BST1: variants seen among roughly 807,000 people sequenced by gnomAD.
BST1 encodes the protein bone marrow stromal cell antigen 1.
A neutral mutation model predicts 40.6 loss-of-function variants in BST1; 49 were observed. The ratio of observed to expected loss-of-function variants is 1.21; its 90% CI spans 0.96 to 1.53. The LOEUF (loss-of-function observed/expected upper bound fraction) is 1.53. Among genes scored for constraint, BST1 ranks in the 40% most tolerant of loss-of-function variants. BST1 has a pLI of 0.00. For missense variants in BST1, 423 were observed against 395.9 expected (o/e 1.07, Z -0.58); for synonymous variants, 157 against 159.3 (o/e 0.99, Z 0.11).
At chr4:15,738,688 G>A (rs1004115647), downstream of BST1, among the ~76,000 whole-genome samples, 1 of 152,210 alleles carries the variant, frequency 6.6e-6, no homozygotes, top group African/African-American at 2.4e-5. Context: ...GTTACAGACG[G>A]AACTGTGTTC....
Position 15,703,153 on chromosome 4 carries a change from C to T in BST1, c.9C>T (p.Ala3=), listed in dbSNP as rs766037701. MA[A]QGCAASRLLQ... is the part of the protein sequence containing the mutation. ...GGGACCAAAGTTCCCCGATGGCGGCCCAGGGGTGCGCGGCATCGCGGCTGC... is the reference window on the plus strand; with the variant it reads ...GGGACCAAAGTTCCCCGATGGCGGCTCAGGGGTGCGCGGCATCGCGGCTGC... Residue 3 remains alanine, a synonymous_variant, in exon 1 of 9, where the codon GCC becomes GCT. Transcript: ENST00000265016. 49 of 1,578,486 alleles carry T rather than the reference C, an allele frequency of 3.1e-5. No individual in the cohort carries two copies. Among genetic ancestry groups the T allele is most frequent in the Non-Finnish European group, 4.1e-5 (48 of 1,164,190 alleles).
chr4:15,770,120 G>T, the BST1 span, among the ~76,000 whole-genome samples: 200 of 151,646 alleles, frequency 1.3e-3, 2 homozygotes, highest in Admixed American at 2.6e-3. Context: ...GATTACAGGC[G>T]TAAGCCACCG....
intron 1 of BST1, among the ~76,000 whole-genome samples, chr4:15,703,643 TGC>T (rs138333020): frequency 2.5e-5 from 3 of 121,250 alleles, no homozygotes; most frequent in African/African-American, 9.4e-5. Context: ...GGTGTGTGTG[TGC>T]GCGCGCTCTA....
chr4:15,727,974 A>T (rs1288659512), intron 8 of BST1, among the ~76,000 whole-genome samples: 2 of 151,552 alleles, frequency 1.3e-5, no homozygotes, highest in Non-Finnish European at 2.9e-5. Context: ...AGACCCCATG[A>T]ATAATCCAAG....
At chr4:15,770,466 A>G in the BST1 span, among the ~76,000 whole-genome samples, 2 of 152,090 alleles carry the variant, frequency 1.3e-5, no homozygotes, top group African/African-American at 2.4e-5. Flanking sequence ...GAACTTTGGG[A>G]GGCCGAGGCG....
downstream of BST1, among the ~76,000 whole-genome samples, chr4:15,738,746 A>T (rs73801708): frequency 0.024 from 3,600 of 152,286 alleles, 120 homozygotes; most frequent in African/African-American, 0.082. Context: ...CTAACACAAC[A>T]ATGAAAATTT....
chr4:15,729,937 G>T (rs7667512), intron 8 of BST1, among the ~76,000 whole-genome samples: 15,266 of 152,196 alleles, frequency 0.1, 886 homozygotes, highest in African/African-American at 0.15. Context: ...AAGGGAGGCT[G>T]TCATTATTAG....
chr4:15,711,782 ATG>A (rs1479930541), intron 3 of BST1, 23 bp from the exon 4 acceptor site: 5 of 1,542,380 alleles, frequency 3.2e-6, no homozygotes, highest in African/African-American at 1.4e-5. Flanking sequence ...TTGGAATAAA[ATG>A]TGTTTGTCTA....
At chr4:15,715,680 T>A in intron 5 of BST1, 27 bp from the exon 6 acceptor site, 2 of 1,470,812 alleles carry the variant, frequency 1.4e-6, no homozygotes, top group Middle Eastern at 1.8e-4. Flanking sequence ...ATCATATTGC[T>A]TTAGGGCTTC....
downstream of BST1, among the ~76,000 whole-genome samples, chr4:15,733,856 G>A (rs544073121): frequency 2.6e-5 from 4 of 152,176 alleles, no homozygotes; most frequent in South Asian, 8.3e-4. Flanking sequence ...ATTTAGGTGG[G>A]GATACAGAGC....
At chr4:15,752,449 C>T in the BST1 span, among the ~76,000 whole-genome samples, 5 of 151,004 alleles carry the variant, frequency 3.3e-5, no homozygotes, top group Non-Finnish European at 5.9e-5. Context: ...AGTGCAATGG[C>T]GCAATCTCGG....
At chr4:15,736,239 C>T (rs573913051), downstream of BST1, 18 of 744,672 alleles carry the variant, frequency 2.4e-5, no homozygotes, top group African/African-American at 3.7e-5. Context: ...CAATGTCCTA[C>T]GCTAGGGTCC....
chr4:15,727,628 T>C (rs1560287332), intron 8 of BST1, among the ~76,000 whole-genome samples: 1 of 152,196 alleles, frequency 6.6e-6, no homozygotes, highest in Non-Finnish European at 1.5e-5. Context: ...GTTTTAGAGA[T>C]GTTATTCAAT....
At chr4:15,754,284 G>T in the BST1 span, among the ~76,000 whole-genome samples, 1 of 152,152 alleles carries the variant, frequency 6.6e-6, no homozygotes, top group Admixed American at 6.5e-5. Context: ...TTCATGAGTC[G>T]CTAAAGTAGA....
the BST1 span, among the ~76,000 whole-genome samples, chr4:15,744,659 A>G: frequency 6.6e-6 from 1 of 152,210 alleles, no homozygotes; most frequent in African/African-American, 2.4e-5. Flanking sequence ...GGCCAATATC[A>G]TAAGATGGAC....
chr4:15,752,481 C>T, the BST1 span, among the ~76,000 whole-genome samples: 7 of 151,768 alleles, frequency 4.6e-5, no homozygotes, highest in South Asian at 4.2e-4. Flanking sequence ...CCCCGCCTCC[C>T]GGGTTCCAGT....
At chr4:15,734,179 T>TAGCAGACCA (rs1721482462), downstream of BST1, among the ~76,000 whole-genome samples, 1 of 152,076 alleles carries the variant, frequency 6.6e-6, no homozygotes, top group Non-Finnish European at 1.5e-5. Flanking sequence ...TTGTGGGGGT[T>TAGCAGACCA]GAGAATGATC....
At chr4:15,731,500 G>T (rs762724409) in intron 8 of BST1, 13 of 1,013,382 alleles carry the variant, frequency 1.3e-5, no homozygotes, top group Non-Finnish European at 1.8e-5. Context: ...TCCTTCTGGG[G>T]AGTCATAGTT....
chr4:15,707,910 C>CATATCT (rs1380519606), intron 3 of BST1, among the ~76,000 whole-genome samples: 1 of 140,328 alleles, frequency 7.1e-6, no homozygotes, highest in African/African-American at 2.7e-5. Context: ...CATATCTATA[C>CATATCT]ATATCTATAT....
Sources: gnomAD v4.1 joint callset for allele counts (sites outside exome capture counted in the v4.1 genomes callset) on GRCh38, gnomAD v4.1.1 for gene constraint, MANE v1.5 for transcripts, NCBI Gene and HGNC (gene_info 2026-07-23, HGNC 2026-07-21) for gene names.